The following TNFRSF12A variants were observed in gnomAD, a reference collection of about 807,000 sequenced individuals.
TNFRSF12A encodes tumor necrosis factor receptor superfamily member 12A.
A neutral mutation model predicts 15.5 loss-of-function variants in TNFRSF12A; 13 were observed. The ratio of observed to expected loss-of-function variants is 0.84; its 90% confidence interval spans 0.54 to 1.33. TNFRSF12A has a LOEUF of 1.33. TNFRSF12A is among the 40% of genes most tolerant of loss of function. The probability of loss-of-function intolerance (pLI) is 0.00; values close to 1 mark genes in which losing one functional copy is unlikely to be tolerated. For synonymous variants in TNFRSF12A, 89 were observed against 78.4 expected, an observed-to-expected ratio of 1.14 and a Z score of -0.71; for missense variants, 174 against 173.6, an observed-to-expected ratio of 1.00 and a Z score of -0.01.
Position 3,022,247 on chromosome 16 carries a change from A to C in TNFRSF12A, c.*421A>C. On this transcript the variant is annotated 3_prime_UTR_variant, in exon 4 of 4. Transcript: ENST00000326577. Reference sequence around the variant, plus strand: ...GGGTTAGGGACCTATTTTTAACACTAGGGGGCTGGCCCACTAGGAGGGCTG... The same window carrying C: ...GGGTTAGGGACCTATTTTTAACACTCGGGGGCTGGCCCACTAGGAGGGCTG... The C allele has an allele frequency of 9.1e-6, 3 of 330,378 alleles. No homozygotes were observed. The highest frequency in any genetic ancestry group is 4.7e-5 in the East Asian group (1 of 21,306). 20.5% of individuals were successfully genotyped at this position (330,378 alleles called of 1,614,324 possible).
intron 1 of TNFRSF12A, 33 bp downstream of exon 1, chr16:3,020,524 G>A (rs1341986406): frequency 1.6e-6 from 2 of 1,266,150 alleles, no homozygotes; most frequent in Non-Finnish European, 2.0e-6. Flanking sequence ...GGAACCCCGG[G>A]CCGGGGCTCG....
At chr16:3,020,972 A>G (rs902054161) in intron 1 of TNFRSF12A, 7 of 488,148 alleles carry the variant, frequency 1.4e-5, no homozygotes, top group Non-Finnish European at 2.5e-5. Flanking sequence ...CCCGGTGCCC[A>G]GGAGTGAGTC....
chr16:3,021,863 T>G lies in TNFRSF12A; in HGVS notation c.*37T>G, dbSNP rs2072615531. On this transcript the variant is annotated 3_prime_UTR_variant, in exon 4 of 4. Coordinates refer to ENST00000326577, the MANE Select transcript of TNFRSF12A (RefSeq NM_016639.3). The stretch of plus-strand genomic sequence containing the variant: ...CTGCCAGCCGGGGCTCGCCCACTCA[T>G]CATTCATTCATCCATTCTAGAGCCA... 1 of 1,603,372 alleles carries G rather than the reference T, an allele frequency of 6.2e-7. No individual in the cohort carries two copies. Among genetic ancestry groups the G allele is most frequent in the African/African-American group, 1.3e-5 (1 of 74,706 alleles).
chr16:3,022,180 C>T lies in TNFRSF12A; in HGVS notation c.*354C>T. 2.4e-6 allele frequency: 1 copy of T among 417,426 alleles called. No homozygotes were observed. Among genetic ancestry groups the T allele is most frequent in the Non-Finnish European group, 4.2e-6 (1 of 236,998 alleles). 25.9% of individuals were successfully genotyped at this position (417,426 alleles called of 1,614,324 possible). On this transcript the variant is annotated 3_prime_UTR_variant, in exon 4 of 4. Transcript: ENST00000326577. Reference sequence around the variant, plus strand: ...GGCAGACTTGACACTAGGCCCCACTCACTCAGATGTCCTGAAATTCCACCA... The same window carrying T: ...GGCAGACTTGACACTAGGCCCCACTTACTCAGATGTCCTGAAATTCCACCA...
intron 1 of TNFRSF12A, 107 bp from the exon 2 acceptor site, chr16:3,021,108 G>C (rs2072606324): frequency 3.4e-6 from 2 of 594,624 alleles, no homozygotes; most frequent in Non-Finnish European, 5.7e-6. Context: ...AGGAATGCGC[G>C]GGGAGGGCGC....
intron 1 of TNFRSF12A, chr16:3,020,851 G>T: frequency 2.5e-6 from 1 of 406,736 alleles, no homozygotes; most frequent in Non-Finnish European, 4.3e-6. Flanking sequence ...CGACGAGTTG[G>T]GGAGGCCGTC....
At position 3,020,410 on chromosome 16, in the gene TNFRSF12A, T is replaced by G. The variant is rs963788467; in HGVS notation, c.13T>G (p.Ser5Ala). 1 of 1,289,662 alleles carries G rather than the reference T, an allele frequency of 7.8e-7. No homozygotes were observed. The highest frequency in any genetic ancestry group is 9.8e-7 in the Non-Finnish European group (1 of 1,018,750). 79.9% of individuals were successfully genotyped at this position (1,289,662 alleles called of 1,614,324 possible). Residue 5 changes from serine to alanine, a missense_variant, in exon 1 of 4, where the codon TCG (serine) becomes GCG (alanine). Transcript: ENST00000326577. ...CAGGACGTGCACTATGGCTCGGGGC[T>G]CGCTGCGCCGGTTGCTGCGGCTCCT... MARG[S>A]LRRLLRLLVL... is the part of the protein sequence containing the mutation.
Position 3,020,381 on chromosome 16 carries a change from G to C in TNFRSF12A, c.-17G>C, listed in dbSNP as rs779967523. 3 of 1,286,886 alleles carry C rather than the reference G, an allele frequency of 2.3e-6. No individual in the cohort carries two copies. The highest frequency in any genetic ancestry group is 2.9e-5 in the East Asian group (1 of 35,084). 79.7% of individuals were successfully genotyped at this position (1,286,886 alleles called of 1,614,324 possible). A position where few individuals can be genotyped will look rare whatever the true frequency, so the allele number is the denominator to read the frequency against. ...CCGGCGGCGGGCGCAGACAGCGGCGGGCGCAGGACGTGCACTATGGCTCGG... is the reference window on the plus strand; with the variant it reads ...CCGGCGGCGGGCGCAGACAGCGGCGCGCGCAGGACGTGCACTATGGCTCGG... On this transcript the variant is annotated 5_prime_UTR_variant, in exon 1 of 4. Transcript: ENST00000326577.
Position 3,020,457 on chromosome 16 carries a change from G to A in TNFRSF12A, c.60G>A (p.Ala20=), listed in dbSNP as rs771446551. The A allele has an allele frequency of 1.5e-6, 2 of 1,294,822 alleles. No individual in the cohort carries two copies. Among genetic ancestry groups the A allele is most frequent in the Admixed American group, 3.1e-5 (1 of 32,622 alleles). 80.2% of individuals were successfully genotyped at this position (1,294,822 alleles called of 1,614,324 possible). A position where few individuals can be genotyped will look rare whatever the true frequency, so the allele number is the denominator to read the frequency against. Reference sequence around the variant, plus strand: ...TCCTCGTGCTGGGGCTCTGGCTGGCGTTGCTGCGCTCCGTGGCCGGGGAGC... The same window carrying A: ...TCCTCGTGCTGGGGCTCTGGCTGGCATTGCTGCGCTCCGTGGCCGGGGAGC... The part of the protein sequence containing the change: ...LRLLVLGLWL[A]LLRSVAGEQA... The change falls in exon 1 of 4, where the codon GCG becomes GCA. Residue 20 remains alanine, a synonymous_variant. Transcript: ENST00000326577.
In TNFRSF12A at chr16:3,021,236, G is replaced by T; in HGVS notation, c.116G>T (p.Gly39Val). The part of the protein sequence containing the change: ...QAPGTAPCSR[G>V]SSWSADLDKC... ...CCAGGCACCGCCCCCTGCTCCCGCG[G>T]CAGCTCCTGGAGCGCGGACCTGGAC... Residue 39 changes from glycine (G) to valine (V), a missense_variant, in exon 2 of 4, where the codon GGC (glycine) becomes GTC (valine). Coordinates refer to ENST00000326577, the MANE Select transcript of TNFRSF12A (RefSeq NM_016639.3). 6.3e-7 allele frequency: 1 copy of T among 1,587,562 alleles called. No individual in the cohort carries two copies.
intron 2 of TNFRSF12A, 25 bp downstream of exon 2, chr16:3,021,344 C>G (rs1238633597): frequency 1.3e-5 from 20 of 1,527,888 alleles, no homozygotes; most frequent in Non-Finnish European, 1.8e-5. Context: ...GGGCCAGTGG[C>G]CAGCGGACCC....
At position 3,021,872 on chromosome 16, in the gene TNFRSF12A, C is replaced by A; in HGVS notation, c.*46C>A. ...GGGGCTCGCCCACTCATCATTCATT[C>A]ATCCATTCTAGAGCCAGTCTCTGCC... is the stretch of plus-strand genomic sequence containing the variant. On this transcript the variant is annotated 3_prime_UTR_variant, in exon 4 of 4. Transcript: ENST00000326577. The A allele has an allele frequency of 6.3e-7, 1 of 1,598,330 alleles. No homozygotes were observed. The highest frequency in any genetic ancestry group is 1.1e-5 in the South Asian group (1 of 90,046).
At position 3,022,309 on chromosome 16, in the gene TNFRSF12A, GGGA is replaced by G. The variant is rs1248271629; in HGVS notation, c.*488_*490del. 10 of 252,912 alleles carry G rather than the reference GGGA, an allele frequency of 4.0e-5. No individual in the cohort carries two copies. Among genetic ancestry groups the G allele is most frequent in the Non-Finnish European group, 7.5e-5 (10 of 133,484 alleles). 15.7% of individuals were successfully genotyped at this position (252,912 alleles called of 1,614,324 possible). A position where few individuals can be genotyped will look rare whatever the true frequency, so the allele number is the denominator to read the frequency against. ...CAGACCCCCCCAACTCCCCAAAGCG[GGGA>G]GGAGATATTTATTTTGGGGAGAGTT... is the stretch of plus-strand genomic sequence containing the variant. On this transcript the variant is annotated 3_prime_UTR_variant, in exon 4 of 4. Coordinates refer to ENST00000326577, the MANE Select transcript of TNFRSF12A (RefSeq NM_016639.3).
chr16:3,021,750 A>T (rs373295073), intron 3 of TNFRSF12A, 21 bp from the exon 4 acceptor site: 5 of 1,610,734 alleles, frequency 3.1e-6, no homozygotes, highest in East Asian at 2.2e-5. Context: ...GCTGCTGACG[A>T]CCCCACCTCT....
chr16:3,022,311 G>T lies in TNFRSF12A; in HGVS notation c.*485G>T, dbSNP rs921599752. 4.0e-6 allele frequency: 1 copy of T among 251,090 alleles called. No individual in the cohort carries two copies. Among genetic ancestry groups the T allele is most frequent in the Non-Finnish European group, 7.6e-6 (1 of 132,412 alleles). 15.6% of individuals were successfully genotyped at this position (251,090 alleles called of 1,614,324 possible). A position where few individuals can be genotyped will look rare whatever the true frequency, so the allele number is the denominator to read the frequency against. On this transcript the variant is annotated 3_prime_UTR_variant, in exon 4 of 4. Transcript: ENST00000326577. ...GACCCCCCCAACTCCCCAAAGCGGG[G>T]AGGAGATATTTATTTTGGGGAGAGT... is the stretch of plus-strand genomic sequence containing the variant.
Position 3,021,909 on chromosome 16 carries a change from G to A in TNFRSF12A, c.*83G>A. Reference sequence around the variant, plus strand: ...AGCCAGTCTCTGCCTCCCAGACGCGGCGGGAGCCAAGCTCCTCCAACCACA... The same window carrying A: ...AGCCAGTCTCTGCCTCCCAGACGCGACGGGAGCCAAGCTCCTCCAACCACA... On this transcript the variant is annotated 3_prime_UTR_variant, in exon 4 of 4. Coordinates refer to ENST00000326577, the MANE Select transcript of TNFRSF12A (RefSeq NM_016639.3). The A allele has an allele frequency of 1.3e-6, 2 of 1,508,392 alleles. No individual in the cohort carries two copies. The highest frequency in any genetic ancestry group is 1.4e-5 in the African/African-American group (1 of 72,824). The allele number at this position is 1,508,392 out of a possible 1,614,324, so 93.4% of individuals were successfully genotyped here.
intron 1 of TNFRSF12A, 64 bp from the exon 2 acceptor site, chr16:3,021,151 T>A (rs1485360110): frequency 1.1e-6 from 1 of 878,076 alleles, no homozygotes; most frequent in Admixed American, 3.1e-5. Flanking sequence ...CGGCCGACCC[T>A]GACCTCAGAC....
At position 3,021,851 on chromosome 16, in the gene TNFRSF12A, CT is replaced by C. The variant is rs1189393248; in HGVS notation, c.*26del. On this transcript the variant is annotated 3_prime_UTR_variant, in exon 4 of 4. Transcript: ENST00000326577. ...ACAATGTGCCCCCTGCCAGCCGGGG[CT>C]CGCCCACTCATCATTCATTCATCCA... The C allele has an allele frequency of 7.5e-6, 12 of 1,608,826 alleles. No individual in the cohort carries two copies. Among genetic ancestry groups the C allele is most frequent in the Non-Finnish European group, 1.0e-5 (12 of 1,178,574 alleles).
In TNFRSF12A at chr16:3,022,069, G is replaced by A. The variant is rs547224766; in HGVS notation, c.*243G>A. ...TCACGCTGGCTCACACAAAACAGCT[G>A]ACACTGACTAAGGAACTGCAGCATT... On this transcript the variant is annotated 3_prime_UTR_variant, in exon 4 of 4. Transcript: ENST00000326577. 1.5e-4 allele frequency: 78 copies of A among 537,160 alleles called. No individual in the cohort carries two copies. Among genetic ancestry groups the A allele is most frequent in the Non-Finnish European group, 2.5e-4 (77 of 305,126 alleles). The allele number at this position is 537,160 out of a possible 1,614,324, so 33.3% of individuals were successfully genotyped here.
Sources: gnomAD v4.1 joint callset for allele counts on GRCh38, gnomAD v4.1.1 for gene constraint, MANE v1.5 for transcripts, NCBI Gene and HGNC (gene_info 2026-07-23, HGNC 2026-07-21) for gene names.